HS3ST5: variants seen among roughly 807,000 people sequenced by gnomAD.
HS3ST5 encodes the protein heparan sulfate-glucosamine 3-sulfotransferase 5.
HS3ST5 carries 10 observed loss-of-function variants against 25.4 expected under a neutral mutation model. The observed-to-expected ratio is 0.39, with a 90% CI of 0.24 to 0.67. The LOEUF is 0.67. Among genes scored for constraint, HS3ST5 ranks in the 30% least tolerant of loss-of-function variants. HS3ST5 has a pLI of 0.44. For synonymous variants in HS3ST5, 170 were observed against 162.4 expected (o/e 1.05, Z -0.36); for missense variants, 324 against 420.7 (o/e 0.77, Z 2.01).
chr6:114,118,780 T>C (rs1332165179), intron 3 of HS3ST5, among the ~76,000 whole-genome samples: 1 of 152,198 alleles, frequency 6.6e-6, no homozygotes, highest in African/African-American at 2.4e-5. Flanking sequence ...AATAGGACTA[T>C]TCTGACCAAT....
intron 3 of HS3ST5, among the ~76,000 whole-genome samples, chr6:114,117,306 C>T (rs1225719024): frequency 6.6e-6 from 1 of 152,112 alleles, no homozygotes; most frequent in Non-Finnish European, 1.5e-5. Context: ...CTGGGCATCA[C>T]TTATCTCTGC....
At chr6:114,204,110 C>T (rs1199303799) in intron 2 of HS3ST5, among the ~76,000 whole-genome samples, 1 of 152,152 alleles carries the variant, frequency 6.6e-6, no homozygotes, top group Non-Finnish European at 1.5e-5. Flanking sequence ...CATCAGGGAA[C>T]AGAGATTAGC....
chr6:114,296,507 A>G (rs2114793044), intron 1 of HS3ST5, among the ~76,000 whole-genome samples: 1 of 152,374 alleles, frequency 6.6e-6, no homozygotes. Flanking sequence ...TAGAAAGGAA[A>G]ATAAATAATT....
intron 3 of HS3ST5, among the ~76,000 whole-genome samples, chr6:114,119,367 C>A (rs889616527): frequency 1.2e-4 from 18 of 152,316 alleles, no homozygotes; most frequent in African/African-American, 4.3e-4. Context: ...CTGATAAATT[C>A]TTGACTTCCA....
At chr6:114,105,427 C>T (rs1057450106) in intron 3 of HS3ST5, among the ~76,000 whole-genome samples, 1 of 152,060 alleles carries the variant, frequency 6.6e-6, no homozygotes, top group African/African-American at 2.4e-5. Flanking sequence ...ATATGATTGG[C>T]AGGATAATTT....
chr6:114,209,063 T>A (rs1223567030), intron 2 of HS3ST5, among the ~76,000 whole-genome samples: 1 of 152,164 alleles, frequency 6.6e-6, no homozygotes, highest in African/African-American at 2.4e-5. Flanking sequence ...TTAGTTTAGT[T>A]AAATTGGAAT....
At chr6:114,111,672 CTG>C in intron 3 of HS3ST5, among the ~76,000 whole-genome samples, 1 of 152,300 alleles carries the variant, frequency 6.6e-6, no homozygotes, top group African/African-American at 2.4e-5. Context: ...AATCAATAAA[CTG>C]TGCATATTCT....
At chr6:114,077,919 C>T (rs1299823040) in intron 3 of HS3ST5, among the ~76,000 whole-genome samples, 1 of 152,136 alleles carries the variant, frequency 6.6e-6, no homozygotes, top group Non-Finnish European at 1.5e-5. Flanking sequence ...TCTGCAGTGA[C>T]TTTTTTCTCC....
intron 1 of HS3ST5, among the ~76,000 whole-genome samples, chr6:114,322,611 C>T (rs895024816): frequency 2.0e-5 from 3 of 151,972 alleles, no homozygotes; most frequent in African/African-American, 4.8e-5. Flanking sequence ...TGTGAAGAAA[C>T]CTGTTTGTGA....
chr6:114,161,521 TTATATATATA>T (rs59921019), intron 3 of HS3ST5, among the ~76,000 whole-genome samples: 800 of 33,424 alleles, frequency 0.024, 10 homozygotes, highest in Middle Eastern at 0.04. Context: ...TCCTGAAGTT[TTATATATATA>T]TATATATATA....
intron 1 of HS3ST5, among the ~76,000 whole-genome samples, chr6:114,250,030 A>T (rs910927291): frequency 6.6e-6 from 1 of 152,186 alleles, no homozygotes; most frequent in African/African-American, 2.4e-5. Flanking sequence ...TATTGATATA[A>T]TAGACTCACT....
chr6:114,203,232 T>C (rs1468539533), intron 2 of HS3ST5, among the ~76,000 whole-genome samples: 3 of 152,156 alleles, frequency 2.0e-5, no homozygotes, highest in African/African-American at 7.2e-5. Flanking sequence ...GTTTTAAAAA[T>C]TATAACAGTG....
chr6:114,224,168 A>G (rs577628880), intron 2 of HS3ST5, among the ~76,000 whole-genome samples: 1 of 151,564 alleles, frequency 6.6e-6, no homozygotes, highest in Admixed American at 6.6e-5. Flanking sequence ...TTCATTTTCA[A>G]AGTTTTGAAT....
chr6:114,232,340 A>G (rs1771637411), intron 1 of HS3ST5, among the ~76,000 whole-genome samples: 2 of 151,856 alleles, frequency 1.3e-5, no homozygotes, highest in Admixed American at 1.3e-4. Flanking sequence ...TTTTTCCCTT[A>G]TTTCCATATT....
At position 114,337,772 on chromosome 6, in the gene HS3ST5, T is replaced by TA. The variant is rs534547118; in HGVS notation, c.-339+4422dup. 1.5e-3 allele frequency among the ~76,000 whole-genome samples: 224 copies of TA among 152,098 alleles called. 1 individual carries two copies. The highest frequency in any genetic ancestry group is 5.2e-3 in the African/African-American group (217 of 41,502). The stretch of plus-strand genomic sequence containing the variant: ...CTTGCTCCCCACTGGGCCCTCTATT[T>TA]AAGTAAACTTAAAAAAAAAATCTAT... On this transcript the variant is annotated intron_variant, in intron 1 of 4. Transcript: ENST00000312719.
intron 1 of HS3ST5, among the ~76,000 whole-genome samples, chr6:114,235,385 C>T (rs1237601016): frequency 1.4e-5 from 2 of 147,104 alleles, no homozygotes. Flanking sequence ...AAGAACTAAA[C>T]AAGTAAAAAA....
Position 114,089,095 on chromosome 6 carries a change from A to G in HS3ST5, c.-32-26218T>C, listed in dbSNP as rs1189032720. ...ATGAATGAATAAATGATCAGTGCAAAGTAAACACATCTGGTGAACTCAAAC... is the reference window on the plus strand; with the variant it reads ...ATGAATGAATAAATGATCAGTGCAAGGTAAACACATCTGGTGAACTCAAAC... On this transcript the variant is annotated intron_variant, in intron 3 of 4. Coordinates refer to ENST00000312719, the MANE Select transcript of HS3ST5 (RefSeq NM_153612.4). The G allele has an allele frequency of 3.9e-5, 6 of 152,420 alleles. No homozygotes were observed. In the Middle Eastern group the frequency reaches 0.01, roughly 259 times the overall value. The allele number at this position is 152,420 out of a possible 1,614,324, so 9.4% of individuals were successfully genotyped here.
At chr6:114,295,712 A>T (rs1299553423) in intron 1 of HS3ST5, among the ~76,000 whole-genome samples, 1 of 152,190 alleles carries the variant, frequency 6.6e-6, no homozygotes, top group Non-Finnish European at 1.5e-5. Context: ...TGTACAAGCA[A>T]TTACTTCCTT....
chr6:114,265,482 G>C (rs1415311967), intron 1 of HS3ST5, among the ~76,000 whole-genome samples: 1 of 152,122 alleles, frequency 6.6e-6, no homozygotes, highest in Non-Finnish European at 1.5e-5. Flanking sequence ...GTAGTGGCTG[G>C]AGGGAGAGCC....
Sources: gnomAD v4.1 joint callset for allele counts (sites outside exome capture counted in the v4.1 genomes callset) on GRCh38, gnomAD v4.1.1 for gene constraint, MANE v1.5 for transcripts, NCBI Gene and HGNC (gene_info 2026-07-23, HGNC 2026-07-21) for gene names.